CSMD1: variants seen among roughly 807,000 people sequenced by gnomAD.
CSMD1 encodes the protein CUB and sushi domain-containing protein 1.
Under a neutral mutation model 417.5 loss-of-function variants are expected in CSMD1, and 213 were observed. The ratio of observed to expected loss-of-function variants is 0.51; its 90% confidence interval spans 0.46 to 0.57. CSMD1 has a LOEUF of 0.57. Among genes scored for constraint, CSMD1 ranks in the 20% least tolerant of loss-of-function variants. The probability of loss-of-function intolerance (pLI) is 0.00; values close to 1 mark genes in which losing one functional copy is unlikely to be tolerated. For missense variants in CSMD1, 6,923 were observed against 4,529.7 expected, an observed-to-expected ratio of 1.53 and a Z score of -15.17; for synonymous variants, 2,862 against 1,736.8, an observed-to-expected ratio of 1.65 and a Z score of -16.11.
At chr8:4,023,673 G>A (rs1413175163) in intron 4 of CSMD1, among the ~76,000 whole-genome samples, 5 of 143,670 alleles carry the variant, frequency 3.5e-5, no homozygotes, top group Non-Finnish European at 6.0e-5. Flanking sequence ...TGCAAGCTCC[G>A]CCTCCAGGGT....
chr8:3,905,066 G>A lies in CSMD1; in HGVS notation c.818+92837C>T, dbSNP rs911851498. Reference sequence around the variant, plus strand: ...TTTTCTCTGTGGTTCCTTCTCCATAGGACCTATGTGTATCCAAATGTCTGT... The same window carrying A: ...TTTTCTCTGTGGTTCCTTCTCCATAAGACCTATGTGTATCCAAATGTCTGT... On this transcript the variant is annotated intron_variant, in intron 5 of 69. Coordinates refer to ENST00000635120, the MANE Select transcript of CSMD1 (RefSeq NM_033225.6). Among the ~76,000 whole-genome samples the A allele has an allele frequency of 3.0e-4, 46 of 152,152 alleles. 1 individual carries two copies. Among genetic ancestry groups the A allele is most frequent in the African/African-American group, 9.9e-4 (41 of 41,516 alleles).
At chr8:4,010,659 A>T (rs555962914) in intron 4 of CSMD1, among the ~76,000 whole-genome samples, 1 of 152,200 alleles carries the variant, frequency 6.6e-6, no homozygotes, top group East Asian at 1.9e-4. Context: ...TTTTTGACTC[A>T]TGGGACCTAG....
At chr8:4,392,391 GAC>G (rs923188794) in intron 3 of CSMD1, among the ~76,000 whole-genome samples, 44 of 152,150 alleles carry the variant, frequency 2.9e-4, no homozygotes, top group African/African-American at 1.0e-3. Context: ...TAAAATCAGA[GAC>G]ACAAAATTAT....
At chr8:3,117,300 T>C (rs1311023959) in intron 42 of CSMD1, among the ~76,000 whole-genome samples, 1 of 152,184 alleles carries the variant, frequency 6.6e-6, no homozygotes, top group Non-Finnish European at 1.5e-5. Flanking sequence ...CTTGATCTCC[T>C]GATCTTGTGA....
At chr8:3,165,265 T>C (rs57389436) in intron 37 of CSMD1, among the ~76,000 whole-genome samples, 1,628 of 152,176 alleles carry the variant, frequency 0.011, 37 homozygotes, top group African/African-American at 0.036. Flanking sequence ...CCTGCTACTA[T>C]ATTAAAAGGA....
At chr8:3,746,495 A>C (rs1797070864) in intron 6 of CSMD1, among the ~76,000 whole-genome samples, 2 of 150,316 alleles carry the variant, frequency 1.3e-5, no homozygotes, top group Admixed American at 1.3e-4. Flanking sequence ...AATATTTCAG[A>C]GACACAACTT....
intron 1 of CSMD1, among the ~76,000 whole-genome samples, chr8:4,797,804 T>C (rs533106706): frequency 5.9e-5 from 9 of 152,336 alleles, no homozygotes; most frequent in Non-Finnish European, 8.8e-5. Flanking sequence ...TAAAAATACT[T>C]GTGCTCATGT....
chr8:3,882,360 C>T (rs1317567679), intron 5 of CSMD1, among the ~76,000 whole-genome samples: 2 of 152,208 alleles, frequency 1.3e-5, no homozygotes, highest in Admixed American at 1.3e-4. Context: ...CAGAATACTG[C>T]ATCCCCACTA....
At chr8:3,441,338 G>A (rs1196467765) in intron 12 of CSMD1, among the ~76,000 whole-genome samples, 1 of 152,028 alleles carries the variant, frequency 6.6e-6, no homozygotes, top group African/African-American at 2.4e-5. Context: ...TAGGGGTGTT[G>A]AATTTGTCAA....
chr8:4,079,776 T>C (rs1397817864), intron 3 of CSMD1, among the ~76,000 whole-genome samples: 1 of 152,146 alleles, frequency 6.6e-6, no homozygotes, highest in East Asian at 1.9e-4. Context: ...TAATAACCCA[T>C]GTTCTCTTTT....
intron 36 of CSMD1, among the ~76,000 whole-genome samples, chr8:3,182,634 ATTG>A (rs1188322392): frequency 2.9e-5 from 1 of 34,282 alleles, no homozygotes; most frequent in African/African-American, 8.7e-5. Flanking sequence ...GTGTGTGTGT[ATTG>A]TTAGTAGAGA....
chr8:3,808,983 G>C (rs1341741767), intron 5 of CSMD1, among the ~76,000 whole-genome samples: 2 of 152,132 alleles, frequency 1.3e-5, no homozygotes, highest in Admixed American at 1.3e-4. Context: ...TGGTTAAACA[G>C]GTTTGAGTCA....
chr8:3,490,840 T>C (rs541831559), intron 11 of CSMD1, among the ~76,000 whole-genome samples: 5 of 152,030 alleles, frequency 3.3e-5, no homozygotes, highest in Non-Finnish European at 1.5e-5. Context: ...GGCCCTCAGA[T>C]GTAGGACTCT....
At chr8:3,919,929 T>A (rs1809111436) in intron 5 of CSMD1, among the ~76,000 whole-genome samples, 1 of 152,168 alleles carries the variant, frequency 6.6e-6, no homozygotes, top group Admixed American at 6.6e-5. Context: ...CTTTATCAGA[T>A]AATTTGACTC....
intron 11 of CSMD1, among the ~76,000 whole-genome samples, chr8:3,477,203 G>T (rs896279838): frequency 1.3e-5 from 2 of 152,152 alleles, no homozygotes; most frequent in Non-Finnish European, 2.9e-5. Flanking sequence ...TGTAGCACCT[G>T]CAATATGAGA....
At chr8:4,344,882 C>A (rs898618208) in intron 3 of CSMD1, among the ~76,000 whole-genome samples, 1 of 152,098 alleles carries the variant, frequency 6.6e-6, no homozygotes, top group African/African-American at 2.4e-5. Flanking sequence ...AAGGACAACT[C>A]AAATACGTCA....
Position 3,872,997 on chromosome 8 carries a change from A to G in CSMD1, c.819-118955T>C, listed in dbSNP as rs180982498. 1.2e-3 allele frequency among the ~76,000 whole-genome samples: 180 copies of G among 152,302 alleles called. 1 individual carries two copies. The highest frequency in any genetic ancestry group is 2.3e-3 in the Non-Finnish European group (154 of 68,024). The stretch of plus-strand genomic sequence containing the variant: ...TTAGAGAAACGCAAATCAAAACCAC[A>G]GTGAGATACCATCTCACACTACTCA... On this transcript the variant is annotated intron_variant, in intron 5 of 69. Coordinates refer to ENST00000635120, the MANE Select transcript of CSMD1 (RefSeq NM_033225.6).
intron 3 of CSMD1, among the ~76,000 whole-genome samples, chr8:4,242,844 A>C (rs1278379252): frequency 1.3e-5 from 2 of 152,230 alleles, no homozygotes; most frequent in Non-Finnish European, 2.9e-5. Flanking sequence ...TAGTGAAGTC[A>C]CTAGGTAAAT....
intron 26 of CSMD1, among the ~76,000 whole-genome samples, chr8:3,283,392 T>C (rs1802887104): frequency 6.6e-6 from 1 of 152,104 alleles, no homozygotes; most frequent in African/African-American, 2.4e-5. Flanking sequence ...CTGTCTTGCA[T>C]CCAAGTCTAG....
Sources: allele counts gnomAD v4.1 joint callset (sites outside exome capture counted in the v4.1 genomes callset), GRCh38; gene constraint gnomAD v4.1.1; transcripts MANE v1.5; gene names NCBI Gene and HGNC (gene_info 2026-07-23, HGNC 2026-07-21).